The following SPRED1 variants were observed in gnomAD, a reference collection of about 807,000 sequenced individuals.
SPRED1 encodes sprouty related EVH1 domain containing 1.
A neutral mutation model predicts 52.3 loss-of-function variants in SPRED1; 18 were observed. That is an observed-to-expected ratio of 0.34 (90% CI 0.24 to 0.51). The LOEUF (loss-of-function observed/expected upper bound fraction) is 0.51, where lower values mean the gene tolerates loss of function less well. Ranked by LOEUF, SPRED1 falls within the 20% of genes least tolerant of loss-of-function variation. The pLI is 0.97. For missense variants in SPRED1, 485 were observed against 551.0 expected (o/e 0.88, Z 1.20); for synonymous variants, 155 against 179.7 (o/e 0.86, Z 1.10).
chr15:38,253,081 C>G lies in SPRED1; in HGVS notation c.-105C>G, dbSNP rs1894013287. ...ATGGTGAGGCCCCTGTGCCGCTGCC[C>G]CCGCGCCCCCCCGGCCGCCGCTGCC... is the stretch of plus-strand genomic sequence containing the variant. On this transcript the variant is annotated 5_prime_UTR_variant, in exon 1 of 7. Coordinates refer to ENST00000299084, the MANE Select transcript of SPRED1 (RefSeq NM_152594.3). 4.1e-6 allele frequency: 4 copies of G among 966,586 alleles called. No individual in the cohort carries two copies. Among genetic ancestry groups the G allele is most frequent in the Non-Finnish European group, 6.4e-6 (4 of 621,630 alleles). 59.9% of individuals were successfully genotyped at this position (966,586 alleles called of 1,614,324 possible).
rs568123850 is a variant in SPRED1, at chr15:38,277,075, T to G, written c.33-22298T>G. Among the ~76,000 whole-genome samples, 3 of 152,332 alleles carry G rather than the reference T, an allele frequency of 2.0e-5. No individual in the cohort carries two copies. The East Asian group carries it at 5.8e-4, about 29-fold the overall frequency. ...TAATATTCATAAAGCTTATCTTTGC[T>G]TCTACATTAAGAGAAGTAAATTTAT... On this transcript the variant is annotated intron_variant, in intron 1 of 6. Transcript: ENST00000299084.
chr15:38,257,680 G>T (rs927396593), intron 1 of SPRED1, among the ~76,000 whole-genome samples: 1 of 152,132 alleles, frequency 6.6e-6, no homozygotes, highest in African/African-American at 2.4e-5. Context: ...GGCATAGGAA[G>T]CTCAAAATTT....
At chr15:38,346,872 C>T (rs148681275) in intron 5 of SPRED1, among the ~76,000 whole-genome samples, 25 of 152,280 alleles carry the variant, frequency 1.6e-4, no homozygotes, top group African/African-American at 5.8e-4. Context: ...TGAAAGACTT[C>T]GGAAATAACT....
chr15:38,253,632 C>G (rs934427613), intron 1 of SPRED1, among the ~76,000 whole-genome samples: 1 of 152,112 alleles, frequency 6.6e-6, no homozygotes, highest in African/African-American at 2.4e-5. Flanking sequence ...GGAGCACCTC[C>G]TGCAGCAAAC....
intron 5 of SPRED1, among the ~76,000 whole-genome samples, chr15:38,341,830 G>A (rs550850650): frequency 6.6e-6 from 1 of 152,136 alleles, no homozygotes; most frequent in East Asian, 1.9e-4. Context: ...GGGTATAGCA[G>A]CCTTTTTTGT....
intron 2 of SPRED1, among the ~76,000 whole-genome samples, chr15:38,304,857 C>T (rs1895217989): frequency 6.6e-6 from 1 of 152,080 alleles, no homozygotes; most frequent in Admixed American, 6.6e-5. Flanking sequence ...TAACTAGATT[C>T]CTTCTGGCTT....
chr15:38,269,049 C>T (rs2140955053), intron 1 of SPRED1, among the ~76,000 whole-genome samples: 1 of 152,108 alleles, frequency 6.6e-6, no homozygotes, highest in East Asian at 1.9e-4. Context: ...ACGCTATTCC[C>T]CTGCCTCAGC....
At chr15:38,344,332 G>A (rs1896087550) in intron 5 of SPRED1, among the ~76,000 whole-genome samples, 1 of 152,126 alleles carries the variant, frequency 6.6e-6, no homozygotes, top group Non-Finnish European at 1.5e-5. Context: ...CTCATCGCAG[G>A]CCCTGGGAAT....
intron 5 of SPRED1, among the ~76,000 whole-genome samples, chr15:38,341,960 T>C (rs1031471488): frequency 6.6e-6 from 1 of 151,748 alleles, no homozygotes; most frequent in Non-Finnish European, 1.5e-5. Context: ...GCTTTCACAA[T>C]AGGTTTTTTT....
At chr15:38,313,124 A>G (rs563228069) in intron 2 of SPRED1, among the ~76,000 whole-genome samples, 1 of 152,178 alleles carries the variant, frequency 6.6e-6, no homozygotes, top group South Asian at 2.1e-4. Context: ...TTTTCCTAAG[A>G]ACAAGGATAT....
intron 6 of SPRED1, among the ~76,000 whole-genome samples, chr15:38,350,362 A>G (rs182175317): frequency 6.6e-6 from 1 of 152,122 alleles, no homozygotes; most frequent in Non-Finnish European, 1.5e-5. Flanking sequence ...GAAAACAGTC[A>G]GATTGGATTA....
Position 38,351,025 on chromosome 15 carries a change from A to G in SPRED1, c.696A>G (p.Lys232=), listed in dbSNP as rs764287445. 2 of 1,613,242 alleles carry G rather than the reference A, an allele frequency of 1.2e-6. No homozygotes were observed. The highest frequency in any genetic ancestry group is 2.2e-5 in the South Asian group (2 of 91,044). The change falls in exon 7 of 7, where the codon AAA becomes AAG. Residue 232 remains lysine (K), a synonymous_variant. Coordinates refer to ENST00000299084, the MANE Select transcript of SPRED1 (RefSeq NM_152594.3). ...TGTTTCTTTTTTAGGTCCCTTTGAA[A>G]TCAATCAGACATGTCAGCTTTCAAG... ...SLKSQNRVPL[K]SIRHVSFQDE...
chr15:38,338,897 A>T (rs1009708507), intron 4 of SPRED1, among the ~76,000 whole-genome samples: 1 of 152,154 alleles, frequency 6.6e-6, no homozygotes, highest in East Asian at 1.9e-4. Flanking sequence ...AGAAAAGCTT[A>T]TGAAAGGTTT....
At chr15:38,263,658 TGTC>T (rs1894247407) in intron 1 of SPRED1, among the ~76,000 whole-genome samples, 1 of 152,164 alleles carries the variant, frequency 6.6e-6, no homozygotes, top group Non-Finnish European at 1.5e-5. Flanking sequence ...ACCGTTAGGA[TGTC>T]ATTGACCTTT....
At chr15:38,350,485 A>G (rs757757985) in intron 6 of SPRED1, among the ~76,000 whole-genome samples, 1 of 152,216 alleles carries the variant, frequency 6.6e-6, no homozygotes, top group Non-Finnish European at 1.5e-5. Flanking sequence ...TGAAGAGGAC[A>G]TAAGTCAGAC....
At chr15:38,256,266 A>G (rs939096626) in intron 1 of SPRED1, among the ~76,000 whole-genome samples, 1 of 152,146 alleles carries the variant, frequency 6.6e-6, no homozygotes, top group African/African-American at 2.4e-5. Flanking sequence ...AGCCACATAC[A>G]TGTTTGTTTT....
At chr15:38,313,179 CATAA>C (rs1411064997) in intron 2 of SPRED1, among the ~76,000 whole-genome samples, 1 of 152,008 alleles carries the variant, frequency 6.6e-6, no homozygotes, top group East Asian at 1.9e-4. Context: ...AGGAAATTAA[CATAA>C]ATACAGTCTT....
chr15:38,334,030 G>A (rs912355332), intron 4 of SPRED1, among the ~76,000 whole-genome samples: 1 of 151,998 alleles, frequency 6.6e-6, no homozygotes, highest in African/African-American at 2.4e-5. Context: ...CCCATGTAAA[G>A]TAGTTGAGAC....
rs1462225087 is a variant in SPRED1 at position 38,355,158 on chromosome 15, G to T, written c.*3494G>T. ...TTTAGTAGAGATGGGGTTTCACCAT[G>T]TTGGCCAGGCTGGTCTTGAACTCCT... On this transcript the variant is annotated 3_prime_UTR_variant, in exon 7 of 7. Transcript: ENST00000299084. The T allele has an allele frequency of 1.3e-5, 2 of 152,274 alleles. No homozygotes were observed. The highest frequency in any genetic ancestry group is 2.9e-5 in the Non-Finnish European group (2 of 68,126). The allele number at this position is 152,274 out of a possible 1,614,324, so 9.4% of individuals were successfully genotyped here. A position where few individuals can be genotyped will look rare whatever the true frequency, so the allele number is the denominator to read the frequency against.
Sources: gnomAD v4.1 joint callset for allele counts (sites outside exome capture counted in the v4.1 genomes callset) on GRCh38, gnomAD v4.1.1 for gene constraint, MANE v1.5 for transcripts, NCBI Gene and HGNC (gene_info 2026-07-23, HGNC 2026-07-21) for gene names.